The following RNF149 variants were observed in gnomAD, a reference collection of about 807,000 sequenced individuals.
The protein encoded by RNF149 is E3 ubiquitin-protein ligase RNF149.
RNF149 carries 21 observed loss-of-function variants against 39.0 expected under a neutral mutation model. The observed-to-expected ratio is 0.54, with a 90% CI of 0.38 to 0.77. The LOEUF (loss-of-function observed/expected upper bound fraction) is 0.77. Ranked by LOEUF, RNF149 falls within the 30% of genes least tolerant of loss-of-function variation. The pLI, the probability that RNF149 is intolerant of heterozygous loss-of-function variation, is 0.00. For synonymous variants in RNF149, 209 were observed against 213.6 expected (o/e 0.98, Z 0.19); for missense variants, 493 against 534.9 (o/e 0.92, Z 0.77).
chr2:101,274,840 G>A (rs1682267358), downstream of RNF149, among the ~76,000 whole-genome samples: 1 of 152,212 alleles, frequency 6.6e-6, no homozygotes, highest in Admixed American at 6.5e-5. Flanking sequence ...AGGCTGGAGT[G>A]CAATGGCACG....
intron 5 of RNF149, among the ~76,000 whole-genome samples, chr2:101,283,427 C>A (rs1471672966): frequency 7.9e-5 from 12 of 152,188 alleles, no homozygotes; most frequent in Non-Finnish European, 1.5e-5. Context: ...CATGGACACA[C>A]TGAAATGGTT....
chr2:101,295,281 A>C (rs1683180347), intron 1 of RNF149, 100 bp from the exon 2 acceptor site: 1 of 991,120 alleles, frequency 1.0e-6, no homozygotes, highest in African/African-American at 1.6e-5. Context: ...ACATATATAA[A>C]TACATTAGAA....
At chr2:101,300,874 T>C (rs1179571389) in intron 1 of RNF149, among the ~76,000 whole-genome samples, 2 of 152,212 alleles carry the variant, frequency 1.3e-5, no homozygotes, top group Non-Finnish European at 1.5e-5. Context: ...TGTGCACAAC[T>C]GCAAGGGGTG....
At chr2:101,295,503 T>C (rs1385371129) in intron 1 of RNF149, among the ~76,000 whole-genome samples, 5 of 151,444 alleles carry the variant, frequency 3.3e-5, no homozygotes, top group African/African-American at 9.7e-5. Flanking sequence ...TTACTAAAAA[T>C]ACAAAAAATT....
intron 2 of RNF149, 194 bp downstream of exon 2, chr2:101,294,737 G>T: frequency 1.8e-6 from 1 of 570,850 alleles, no homozygotes; most frequent in Admixed American, 3.2e-5. Context: ...CAGACTTAAA[G>T]GTATCTAATT....
intron 1 of RNF149, among the ~76,000 whole-genome samples, chr2:101,299,119 G>A (rs889600377): frequency 1.3e-5 from 2 of 152,216 alleles, no homozygotes; most frequent in African/African-American, 4.8e-5. Context: ...TCGCGCCACT[G>A]CACTCCAGTC....
Position 101,276,213 on chromosome 2 carries a change from G to T in RNF149, c.*1025C>A, listed in dbSNP as rs1227074363. The stretch of plus-strand genomic sequence containing the variant: ...CCTCATACTCGACTTCTACCTCCAA[G>T]AAGTGAAAAAATAGCAGAGTGTGTG... On this transcript the variant is annotated 3_prime_UTR_variant, in exon 7 of 7. Transcript: ENST00000295317. 2.0e-6 allele frequency: 2 copies of T among 985,010 alleles called. No homozygotes were observed. Among genetic ancestry groups the T allele is most frequent in the Non-Finnish European group, 2.4e-6 (2 of 829,676 alleles). 61.0% of individuals were successfully genotyped at this position (985,010 alleles called of 1,614,324 possible). A position where few individuals can be genotyped will look rare whatever the true frequency, so the allele number is the denominator to read the frequency against.
At chr2:101,298,066 T>C (rs925951517) in intron 1 of RNF149, among the ~76,000 whole-genome samples, 3 of 152,196 alleles carry the variant, frequency 2.0e-5, no homozygotes, top group Non-Finnish European at 4.4e-5. Context: ...TAAAAGTCCA[T>C]ATCTCTTTGG....
rs12327984 is a variant in RNF149 at position 101,280,881 on chromosome 2, A to G, written c.1159+978T>C. On this transcript the variant is annotated intron_variant, in intron 6 of 6. Coordinates refer to ENST00000295317, the MANE Select transcript of RNF149 (RefSeq NM_173647.4). The stretch of plus-strand genomic sequence containing the variant: ...ACTTCATCACTTCAAAAAAATTTAA[A>G]AAGTTAGCTAGATGTGGTGGCACAC... 9.4e-3 allele frequency among the ~76,000 whole-genome samples: 1,428 copies of G among 152,228 alleles called. 23 individuals carry two copies. Among genetic ancestry groups the G allele is most frequent in the South Asian group, 0.038 (184 of 4,820 alleles).
intron 3 of RNF149, among the ~76,000 whole-genome samples, chr2:101,289,707 CAAA>C (rs1248141764): frequency 1.0e-4 from 7 of 68,766 alleles, no homozygotes; most frequent in Non-Finnish European, 1.5e-4. Flanking sequence ...GACTCTGTCT[CAAA>C]AAAAAAAAAA....
intron 1 of RNF149, among the ~76,000 whole-genome samples, chr2:101,305,938 G>C (rs984247169): frequency 2.0e-5 from 3 of 152,194 alleles, no homozygotes; most frequent in Non-Finnish European, 2.9e-5. Flanking sequence ...CTGCAGACTG[G>C]ACACTTCACA....
intron 4 of RNF149, among the ~76,000 whole-genome samples, chr2:101,287,976 T>A (rs1317168453): frequency 1.3e-5 from 2 of 152,098 alleles, no homozygotes; most frequent in Non-Finnish European, 2.9e-5. Flanking sequence ...GCAATTCTTT[T>A]AAAAAAGTTA....
At chr2:101,298,622 T>G (rs1032666063) in intron 1 of RNF149, among the ~76,000 whole-genome samples, 1 of 152,018 alleles carries the variant, frequency 6.6e-6, no homozygotes, top group Non-Finnish European at 1.5e-5. Flanking sequence ...ATGTAAACTG[T>G]GTGGACAGCA....
downstream of RNF149, among the ~76,000 whole-genome samples, chr2:101,272,553 A>C (rs1285620105): frequency 6.6e-6 from 1 of 152,256 alleles, no homozygotes; most frequent in Non-Finnish European, 1.5e-5. Flanking sequence ...TCACAGAAAC[A>C]CAACACATAT....
chr2:101,305,930 G>A (rs1683641169), intron 1 of RNF149, among the ~76,000 whole-genome samples: 1 of 152,218 alleles, frequency 6.6e-6, no homozygotes, highest in Admixed American at 6.5e-5. Context: ...GGCTGTGTCT[G>A]CAGACTGGAC....
chr2:101,303,172 G>GTGGTGCAA, intron 1 of RNF149, among the ~76,000 whole-genome samples: 1 of 152,210 alleles, frequency 6.6e-6, no homozygotes, highest in Admixed American at 6.5e-5. Context: ...CTGTAGTGCA[G>GTGGTGCAA]TGGTGCAATC....
At chr2:101,283,520 A>G (rs985089661) in intron 5 of RNF149, among the ~76,000 whole-genome samples, 8 of 152,210 alleles carry the variant, frequency 5.3e-5, no homozygotes, top group Non-Finnish European at 1.2e-4. Context: ...ACTAGTTACT[A>G]TAAGAGGGCA....
intron 1 of RNF149, among the ~76,000 whole-genome samples, chr2:101,303,340 C>T (rs181945834): frequency 2.6e-5 from 4 of 150,956 alleles, no homozygotes; most frequent in African/African-American, 9.8e-5. Context: ...TTGGCCAGGC[C>T]AGTCTCGAAC....
intron 1 of RNF149, among the ~76,000 whole-genome samples, chr2:101,304,201 A>C (rs1175932324): frequency 6.6e-6 from 1 of 152,194 alleles, no homozygotes; most frequent in Non-Finnish European, 1.5e-5. Flanking sequence ...GTTCGAGAAC[A>C]GCCTGACCAA....
Sources: gnomAD v4.1 joint callset for allele counts (sites outside exome capture counted in the v4.1 genomes callset) on GRCh38, gnomAD v4.1.1 for gene constraint, MANE v1.5 for transcripts, NCBI Gene and HGNC (gene_info 2026-07-23, HGNC 2026-07-21) for gene names.